ACTR3C: variants seen among roughly 807,000 people sequenced by gnomAD.
ACTR3C encodes the protein actin related protein 3C, also known as actin-related protein 3C.
In ACTR3C, 18 loss-of-function variants were observed where a neutral mutation model predicts 26.3. That is an observed-to-expected ratio of 0.68 (90% confidence interval 0.47 to 1.01). The LOEUF (loss-of-function observed/expected upper bound fraction) is 1.01. Among genes scored for constraint, ACTR3C ranks in the 50% least tolerant of loss-of-function variants. ACTR3C has a pLI of 0.00. For missense variants in ACTR3C, 184 were observed against 250.7 expected, an observed-to-expected ratio of 0.73 and a Z score of 1.80; for synonymous variants, 55 against 94.5, an observed-to-expected ratio of 0.58 and a Z score of 2.42.
chr7:150,095,099 C>A, the ACTR3C span, among the ~76,000 whole-genome samples: 1 of 149,514 alleles, frequency 6.7e-6, no homozygotes, highest in East Asian at 1.9e-4. Context: ...CCTTCCTGAG[C>A]TCCCTTCTTC....
chr7:150,033,609 C>G, the ACTR3C span, among the ~76,000 whole-genome samples: 2 of 151,924 alleles, frequency 1.3e-5, no homozygotes, highest in Non-Finnish European at 2.9e-5. Context: ...GTGCCTCCCC[C>G]CGCTGCAATG....
At chr7:149,889,088 G>A in the ACTR3C span, among the ~76,000 whole-genome samples, 8 of 151,856 alleles carry the variant, frequency 5.3e-5, no homozygotes, top group South Asian at 1.7e-3. Context: ...CAAACTGGAA[G>A]AAACTATTTG....
chr7:150,237,342 G>C, the ACTR3C span, among the ~76,000 whole-genome samples: 2 of 152,184 alleles, frequency 1.3e-5, no homozygotes, highest in Non-Finnish European at 2.9e-5. Flanking sequence ...GCTGCAGCCT[G>C]TCTGGGTGTA....
chr7:149,916,828 T>A, the ACTR3C span, among the ~76,000 whole-genome samples: 1 of 151,122 alleles, frequency 6.6e-6, no homozygotes, highest in Admixed American at 6.6e-5. Flanking sequence ...CATACAGAAA[T>A]CAGGAAAGAC....
the ACTR3C span, among the ~76,000 whole-genome samples, chr7:149,939,787 C>T: frequency 0.44 from 63,611 of 145,538 alleles, 15,128 homozygotes; most frequent in Non-Finnish European, 0.53. Flanking sequence ...ATCGTGACTC[C>T]GCAATACAGC....
the ACTR3C span, chr7:150,002,599 C>T: frequency 4.6e-5 from 7 of 152,316 alleles, no homozygotes; most frequent in East Asian, 1.4e-3. Context: ...TGCTAACTGG[C>T]CCGAGGATGA....
chr7:150,073,724 T>C, the ACTR3C span: 4 of 150,790 alleles, frequency 2.7e-5, no homozygotes, highest in Admixed American at 6.6e-5. Context: ...TTTCCATTCA[T>C]GTGGACTCTG....
the ACTR3C span, among the ~76,000 whole-genome samples, chr7:150,061,495 G>A: frequency 3.0e-5 from 4 of 134,030 alleles, no homozygotes; most frequent in Non-Finnish European, 3.2e-5. Context: ...GAATTTATTC[G>A]TAAACTCTCA....
chr7:149,944,472 C>A, the ACTR3C span, among the ~76,000 whole-genome samples: 1 of 151,950 alleles, frequency 6.6e-6, no homozygotes, highest in Non-Finnish European at 1.5e-5. Context: ...TGGACTGAGG[C>A]CTGCTCTGTA....
At chr7:150,102,862 C>T in the ACTR3C span, among the ~76,000 whole-genome samples, 3 of 152,140 alleles carry the variant, frequency 2.0e-5, no homozygotes, top group Admixed American at 2.0e-4. Flanking sequence ...GTGGCATGAA[C>T]GCAGACCTGC....
the ACTR3C span, among the ~76,000 whole-genome samples, chr7:150,073,337 G>A: frequency 1.8e-4 from 20 of 114,104 alleles, no homozygotes; most frequent in African/African-American, 6.2e-4. Context: ...GAAGAATCAA[G>A]TCAGTTAACA....
At chr7:149,983,767 A>G in the ACTR3C span, among the ~76,000 whole-genome samples, 7 of 152,154 alleles carry the variant, frequency 4.6e-5, no homozygotes, top group South Asian at 1.5e-3. Context: ...AATGTGGCAC[A>G]TATATACCAT....
intron 1 of ACTR3C, among the ~76,000 whole-genome samples, chr7:150,312,089 T>C (rs554602292): frequency 6.6e-6 from 1 of 152,276 alleles, no homozygotes; most frequent in Admixed American, 6.5e-5. Flanking sequence ...CTAAAGAAAA[T>C]GCCTACGCCA....
the ACTR3C span, among the ~76,000 whole-genome samples, chr7:150,144,918 C>T: frequency 1.3e-5 from 2 of 151,826 alleles, no homozygotes; most frequent in Non-Finnish European, 2.9e-5. This position sits in a 1 kb window ranked among gnomAD's most constrained non-coding sequence, Gnocchi z 4.6. Flanking sequence ...GGCGTGGTGG[C>T]GTGCTCCTGT....
the ACTR3C span, among the ~76,000 whole-genome samples, chr7:150,227,688 G>GTTTTTTTTTTT: frequency 2.9e-4 from 32 of 111,364 alleles, 1 homozygote; most frequent in African/African-American, 8.4e-4. Context: ...TTGTGTCTGG[G>GTTTTTTTTTTT]TTTTTTTTTT....
chr7:150,081,958 T>A, the ACTR3C span, among the ~76,000 whole-genome samples: 1 of 151,930 alleles, frequency 6.6e-6, no homozygotes, highest in Non-Finnish European at 1.5e-5. Flanking sequence ...TTTAATGAGT[T>A]TAAGTTCACC....
the ACTR3C span, among the ~76,000 whole-genome samples, chr7:149,900,765 C>T: frequency 7.9e-5 from 12 of 152,144 alleles, no homozygotes; most frequent in Non-Finnish European, 1.3e-4. Context: ...GGGCCAGGCA[C>T]AGTGGCTCAC....
chr7:150,254,896 C>T lies in ACTR3C; in HGVS notation c.565-5842G>A, dbSNP rs1009543737. ...TTCCAGAGGACATAGGCTTACTCTG[C>T]TACATTTCCTGTCTTCCTCGAATAT... On this transcript the variant is annotated intron_variant, in intron 6 of 7. Coordinates refer to ENST00000683684, the MANE Select transcript of ACTR3C (RefSeq NM_001164458.2). 3.9e-5 allele frequency among the ~76,000 whole-genome samples: 6 copies of T among 152,198 alleles called. No homozygotes were observed. In the East Asian group the frequency reaches 1.2e-3, roughly 29 times the overall value.
chr7:150,297,385 G>GA (rs548654529), intron 1 of ACTR3C, among the ~76,000 whole-genome samples: 124 of 150,974 alleles, frequency 8.2e-4, no homozygotes, highest in South Asian at 3.8e-3. Flanking sequence ...ATACTAAGGA[G>GA]AAAAAATATA....
Sources: gnomAD v4.1 joint callset for allele counts (sites outside exome capture counted in the v4.1 genomes callset) on GRCh38, gnomAD v4.1.1 for gene constraint, Gnocchi (gnomAD v3.1) non-coding constraint, MANE v1.5 for transcripts, NCBI Gene and HGNC (gene_info 2026-07-23, HGNC 2026-07-21) for gene names.